Variants in CDH12 observed in about 807,000 individuals in gnomAD.
CDH12 encodes the protein cadherin 12.
In CDH12, 41 loss-of-function variants were observed where a neutral mutation model predicts 74.1. The ratio of observed to expected loss-of-function variants is 0.55; its 90% CI spans 0.43 to 0.72. CDH12 has a LOEUF of 0.72. CDH12 is among the 30% of genes least tolerant of loss of function. The pLI, the probability that CDH12 is intolerant of heterozygous loss-of-function variation, is 0.00. For synonymous variants in CDH12, 399 were observed against 355.0 expected, an observed-to-expected ratio of 1.12 and a Z score of -1.39; for missense variants, 945 against 977.2, an observed-to-expected ratio of 0.97 and a Z score of 0.44.
At chr5:22,604,828 G>T (rs376139752) in intron 1 of CDH12, among the ~76,000 whole-genome samples, 4 of 152,214 alleles carry the variant, frequency 2.6e-5, no homozygotes, top group African/African-American at 9.6e-5. Flanking sequence ...CAAAGTAAGA[G>T]AGATATGCCA....
At chr5:22,144,651 C>T (rs1747039947) in intron 4 of CDH12, among the ~76,000 whole-genome samples, 1 of 152,060 alleles carries the variant, frequency 6.6e-6, no homozygotes, top group Non-Finnish European at 1.5e-5. Flanking sequence ...TCTCTACCTG[C>T]TTAGATTAAC....
chr5:21,998,458 T>C (rs900976739), intron 5 of CDH12, among the ~76,000 whole-genome samples: 22 of 152,204 alleles, frequency 1.4e-4, no homozygotes, highest in African/African-American at 5.1e-4. Context: ...GCATCTTATG[T>C]TGAGTTTACG....
intron 3 of CDH12, among the ~76,000 whole-genome samples, chr5:22,238,014 T>C (rs1752620791): frequency 1.3e-5 from 2 of 152,204 alleles, no homozygotes; most frequent in Non-Finnish European, 2.9e-5. Flanking sequence ...GCACGTTTTG[T>C]ATATTTGAAT....
chr5:22,153,184 T>TTTTC (rs1747725561), intron 4 of CDH12, among the ~76,000 whole-genome samples: 1 of 49,534 alleles, frequency 2.0e-5, no homozygotes, highest in Non-Finnish European at 6.5e-5. Flanking sequence ...TTTTCTTTTC[T>TTTTC]TTTTTTTTTT....
intron 8 of CDH12, among the ~76,000 whole-genome samples, chr5:21,836,112 T>G (rs1229097555): frequency 6.6e-6 from 1 of 151,848 alleles, no homozygotes; most frequent in African/African-American, 2.4e-5. Flanking sequence ...CTACTTCAAT[T>G]TTATTTTGAT....
intron 3 of CDH12, among the ~76,000 whole-genome samples, chr5:22,305,776 C>T (rs1336642491): frequency 6.6e-6 from 1 of 152,184 alleles, no homozygotes; most frequent in African/African-American, 2.4e-5. Context: ...CATTCACTCA[C>T]TAGGTCCAGT....
chr5:21,786,532 T>C (rs1215814370), intron 10 of CDH12, among the ~76,000 whole-genome samples: 3 of 152,124 alleles, frequency 2.0e-5, no homozygotes, highest in African/African-American at 7.2e-5. Flanking sequence ...TTACTGCTTA[T>C]TGACAATTCA....
intron 5 of CDH12, among the ~76,000 whole-genome samples, chr5:22,075,768 T>C (rs1053395062): frequency 6.6e-5 from 10 of 152,068 alleles, no homozygotes; most frequent in Non-Finnish European, 1.0e-4. Flanking sequence ...AAGTCAGTTC[T>C]CCTAACCCCC....
chr5:21,841,818 T>C lies in CDH12; in HGVS notation c.814+343A>G, dbSNP rs1244401348. 1.5e-4 allele frequency among the ~76,000 whole-genome samples: 19 copies of C among 130,760 alleles called. No homozygotes were observed. The Admixed American group carries it at 1.6e-3, about 11-fold the overall frequency. The allele number at this position is 130,760 out of a possible 152,430, so 85.8% of individuals were successfully genotyped here. On this transcript the variant is annotated intron_variant, in intron 8 of 14. Coordinates refer to ENST00000382254, the MANE Select transcript of CDH12 (RefSeq NM_004061.5). ...GTGGGAATTGAACAATGAGAACATATGGACACAGGAAGGGGAACATCACAC... is the reference window on the plus strand; with the variant it reads ...GTGGGAATTGAACAATGAGAACATACGGACACAGGAAGGGGAACATCACAC...
chr5:21,764,974 A>T lies in CDH12; in HGVS notation c.1515+4T>A, dbSNP rs1268690003. On this transcript the variant is annotated splice_donor_region_variant and intron_variant, in intron 12 of 14. Transcript: ENST00000382254. ...ACACTCAAGGAACAATATTTATAAG[A>T]TACCTGTCCTGGCTTGGCATTTTCA... The T allele has an allele frequency of 2.5e-6, 4 of 1,613,520 alleles. No individual in the cohort carries two copies. Among genetic ancestry groups the T allele is most frequent in the East Asian group, 2.2e-5 (1 of 44,830 alleles).
At chr5:22,719,473 A>G (rs1026793152) in intron 1 of CDH12, among the ~76,000 whole-genome samples, 1 of 152,190 alleles carries the variant, frequency 6.6e-6, no homozygotes, top group Non-Finnish European at 1.5e-5. Flanking sequence ...AAGTAAAGTT[A>G]ATGTGGTCAT....
At chr5:22,118,880 T>C (rs1745328097) in intron 4 of CDH12, among the ~76,000 whole-genome samples, 1 of 151,966 alleles carries the variant, frequency 6.6e-6, no homozygotes, top group Admixed American at 6.6e-5. Flanking sequence ...ACAAGGAGTA[T>C]AGTTGGGGTG....
intron 3 of CDH12, among the ~76,000 whole-genome samples, chr5:22,342,628 CTATTT>C (rs1739910985): frequency 4.5e-5 from 2 of 44,176 alleles, no homozygotes; most frequent in South Asian, 2.9e-3. Context: ...CTTTCCTTTT[CTATTT>C]CTTTCTCTTT....
At chr5:22,693,922 A>T (rs1742216027) in intron 1 of CDH12, among the ~76,000 whole-genome samples, 3 of 151,402 alleles carry the variant, frequency 2.0e-5, no homozygotes, top group African/African-American at 7.3e-5. Flanking sequence ...CATCAATTTA[A>T]AAAAAAAATT....
intron 1 of CDH12, among the ~76,000 whole-genome samples, chr5:22,850,736 A>G (rs1289272268): frequency 6.6e-6 from 1 of 152,124 alleles, no homozygotes. Flanking sequence ...CTTTGGAAGT[A>G]GGAAGAAATT....
At chr5:22,680,892 T>C (rs1181394287) in intron 1 of CDH12, among the ~76,000 whole-genome samples, 1 of 151,900 alleles carries the variant, frequency 6.6e-6, no homozygotes, top group African/African-American at 2.4e-5. Context: ...CCAAATACCT[T>C]ACTCCTTCAC....
At chr5:22,094,223 T>G (rs533029144) in intron 4 of CDH12, among the ~76,000 whole-genome samples, 1 of 152,282 alleles carries the variant, frequency 6.6e-6, no homozygotes, top group East Asian at 1.9e-4. Flanking sequence ...AAGAGGAGTC[T>G]GAAGCCATGC....
chr5:22,437,382 T>C (rs1318514920), intron 2 of CDH12, among the ~76,000 whole-genome samples: 1 of 151,848 alleles, frequency 6.6e-6, no homozygotes, highest in Non-Finnish European at 1.5e-5. Flanking sequence ...TTTTAAGTTA[T>C]ATTTGATTCT....
In CDH12 at chr5:22,748,896, C is replaced by T. The variant is rs575135374; in HGVS notation, c.-523+104162G>A. On this transcript the variant is annotated intron_variant, in intron 1 of 14. Coordinates refer to ENST00000382254, the MANE Select transcript of CDH12 (RefSeq NM_004061.5). ...CTTCAGTTCATCAGTTATTGACTGC[C>T]TTCATGCCAGGCTATTTTTGCTGGA... Among the ~76,000 whole-genome samples the T allele has an allele frequency of 1.2e-4, 18 of 152,258 alleles. No homozygotes were observed. The East Asian group carries it at 3.3e-3, about 28-fold the overall frequency.
Sources: allele counts gnomAD v4.1 joint callset (sites outside exome capture counted in the v4.1 genomes callset), GRCh38; gene constraint gnomAD v4.1.1; transcripts MANE v1.5; gene names NCBI Gene and HGNC (gene_info 2026-07-23, HGNC 2026-07-21).